The following COG6 variants were observed in gnomAD, a reference collection of about 807,000 sequenced individuals.
COG6 encodes the protein component of oligomeric golgi complex 6, also known as conserved oligomeric Golgi complex subunit 6.
In COG6, 74 loss-of-function variants were observed where a neutral mutation model predicts 88.8. The ratio of observed to expected loss-of-function variants is 0.83; its 90% CI spans 0.69 to 1.01. COG6 has a LOEUF of 1.01. COG6 is among the 50% of genes least tolerant of loss of function. The pLI is 0.00. For missense variants in COG6, 800 were observed against 797.9 expected (o/e 1.00, Z -0.03); for synonymous variants, 286 against 278.7 (o/e 1.03, Z -0.26).
chr13:39,669,440 T>C (rs1392411696), intron 4 of COG6, among the ~76,000 whole-genome samples: 1 of 152,254 alleles, frequency 6.6e-6, no homozygotes, highest in Non-Finnish European at 1.5e-5. Flanking sequence ...GTGTAATAGG[T>C]ATTACAGTTG....
At chr13:39,766,439 A>G (rs948839245) in intron 18 of COG6, among the ~76,000 whole-genome samples, 5 of 152,094 alleles carry the variant, frequency 3.3e-5, no homozygotes, top group Non-Finnish European at 5.9e-5. Flanking sequence ...CCATTCCCAA[A>G]AAAACCTGGG....
intron 11 of COG6, 70 bp from the exon 12 acceptor site, chr13:39,694,564 C>A: frequency 1.1e-6 from 1 of 911,576 alleles, no homozygotes; most frequent in Non-Finnish European, 1.8e-6. Flanking sequence ...GCTATTCATA[C>A]CATATGTTAT....
chr13:39,752,837 A>G (rs968737621), downstream of COG6, among the ~76,000 whole-genome samples: 15 of 152,300 alleles, frequency 9.8e-5, no homozygotes, highest in South Asian at 4.1e-4. Context: ...TAACACCTAA[A>G]TTTGCTATTA....
intron 13 of COG6, among the ~76,000 whole-genome samples, chr13:39,708,988 G>GAA (rs1878092681): frequency 6.6e-6 from 1 of 152,036 alleles, no homozygotes; most frequent in Non-Finnish European, 1.5e-5. Context: ...GCAATTGATG[G>GAA]GGCTCCGCAT....
chr13:39,696,166 T>TATCG (rs1555277496), intron 12 of COG6, among the ~76,000 whole-genome samples: 1 of 1,420 alleles, frequency 7.0e-4, no homozygotes, highest in Non-Finnish European at 4.5e-3. Flanking sequence ...AATCTTTTTT[T>TATCG]ATTGATTGCA....
In COG6 at chr13:39,759,806, C is replaced by T. The variant is rs561868304; in HGVS notation, c.1827-28529C>T. ...AATGTTAAAAGTAAAACTTTCTTAGCACTGACAATTTAATAAGTAAAAATA... is the reference window on the plus strand; with the variant it reads ...AATGTTAAAAGTAAAACTTTCTTAGTACTGACAATTTAATAAGTAAAAATA... On this transcript the variant is annotated intron_variant, in intron 18 of 18. Transcript: ENST00000416691. 1.1e-4 allele frequency among the ~76,000 whole-genome samples: 16 copies of T among 152,220 alleles called. No individual in the cohort carries two copies. In the East Asian group the frequency reaches 2.7e-3, roughly 26 times the overall value.
intron 18 of COG6, among the ~76,000 whole-genome samples, chr13:39,761,466 G>A (rs1478934206): frequency 6.6e-6 from 1 of 151,898 alleles, no homozygotes; most frequent in East Asian, 1.9e-4. Context: ...TCAGTACCCT[G>A]GCCTGGGTGA....
At chr13:39,736,287 G>T (rs1218093455) in intron 18 of COG6, among the ~76,000 whole-genome samples, 1 of 151,938 alleles carries the variant, frequency 6.6e-6, no homozygotes, top group Non-Finnish European at 1.5e-5. Flanking sequence ...TAGTTCTGCA[G>T]CTAAGAGACT....
At chr13:39,693,114 G>C (rs370814665) in intron 11 of COG6, among the ~76,000 whole-genome samples, 19 of 151,862 alleles carry the variant, frequency 1.3e-4, no homozygotes, top group African/African-American at 4.6e-4. Context: ...TTTCTGTGTG[G>C]CAAACAAAGC....
chr13:39,778,349 C>G (rs542877240), intron 18 of COG6, among the ~76,000 whole-genome samples: 55 of 152,164 alleles, frequency 3.6e-4, no homozygotes, highest in Non-Finnish European at 4.6e-4. Context: ...AGGCCTTGAC[C>G]AGCATTAATT....
rs1880621057 is a variant in COG6 at position 39,751,354 on chromosome 13, T to G, written c.*261T>G. On this transcript the variant is annotated 3_prime_UTR_variant, in exon 19 of 19. Transcript: ENST00000455146. ...TAGCCATCTCTCCAGCTCTGCAGTTTTCACTGTATTCAGGAAGCATAAAGT... is the reference window on the plus strand; with the variant it reads ...TAGCCATCTCTCCAGCTCTGCAGTTGTCACTGTATTCAGGAAGCATAAAGT... 1 of 1,427,806 alleles carries G rather than the reference T, an allele frequency of 7.0e-7. No homozygotes were observed. Among genetic ancestry groups the G allele is most frequent in the Non-Finnish European group, 9.2e-7 (1 of 1,081,744 alleles). The allele number at this position is 1,427,806 out of a possible 1,614,324, so 88.4% of individuals were successfully genotyped here.
At chr13:39,742,735 A>G (rs993158532) in intron 18 of COG6, among the ~76,000 whole-genome samples, 6 of 152,130 alleles carry the variant, frequency 3.9e-5, no homozygotes. Context: ...ACTTGAACTC[A>G]CCTCTACAGC....
intron 7 of COG6, 130 bp downstream of exon 7, chr13:39,680,175 T>G: frequency 1.6e-6 from 1 of 621,016 alleles, no homozygotes; most frequent in Non-Finnish European, 2.9e-6. Context: ...AAATAGTATT[T>G]GTATTTGGTT....
At chr13:39,679,492 A>G (rs761398571) in intron 5 of COG6, 46 bp from the exon 6 acceptor site, 7 of 1,072,430 alleles carry the variant, frequency 6.5e-6, no homozygotes, top group Non-Finnish European at 8.7e-6. Context: ...AAATAATGCA[A>G]TTTTGCCTGA....
intron 18 of COG6, among the ~76,000 whole-genome samples, chr13:39,738,349 G>A (rs1879875400): frequency 6.6e-6 from 1 of 152,102 alleles, no homozygotes; most frequent in African/African-American, 2.4e-5. Flanking sequence ...AGTTATCCAT[G>A]AAATATATAA....
chr13:39,712,864 C>T (rs56343953), intron 13 of COG6, among the ~76,000 whole-genome samples: 3,197 of 152,234 alleles, frequency 0.021, 47 homozygotes, highest in South Asian at 0.03. Context: ...AGATACTCAG[C>T]GAAGTGTCAT....
At chr13:39,708,039 C>T (rs9603597) in intron 13 of COG6, among the ~76,000 whole-genome samples, 39,865 of 151,964 alleles carry the variant, frequency 0.26, 5,331 homozygotes, top group African/African-American at 0.33. Flanking sequence ...CTCTCCAGTA[C>T]GTGATGTTGT....
intron 18 of COG6, among the ~76,000 whole-genome samples, chr13:39,761,527 A>G (rs563394314): frequency 6.6e-6 from 1 of 152,138 alleles, no homozygotes; most frequent in East Asian, 1.9e-4. Context: ...GCAAAAATGG[A>G]CAAATAGGAT....
chr13:39,691,584 C>G (rs1010257499), intron 11 of COG6, among the ~76,000 whole-genome samples: 1 of 151,908 alleles, frequency 6.6e-6, no homozygotes, highest in African/African-American at 2.4e-5. Flanking sequence ...ACAATAGTTA[C>G]GTATCAAATT....
Sources: gnomAD v4.1 joint callset for allele counts (sites outside exome capture counted in the v4.1 genomes callset) on GRCh38, gnomAD v4.1.1 for gene constraint, MANE v1.5 for transcripts, NCBI Gene and HGNC (gene_info 2026-07-23, HGNC 2026-07-21) for gene names.